The following ARHGAP10 variants were observed in gnomAD, a reference collection of about 807,000 sequenced individuals.
ARHGAP10 encodes rho GTPase-activating protein 10.
ARHGAP10 carries 87 observed loss-of-function variants against 108.6 expected under a neutral mutation model. The ratio of observed to expected loss-of-function variants is 0.80; its 90% CI spans 0.67 to 0.96. ARHGAP10 has a LOEUF of 0.96. Ranked by LOEUF, ARHGAP10 falls within the 40% of genes least tolerant of loss-of-function variation. ARHGAP10 has a pLI of 0.00. For synonymous variants in ARHGAP10, 347 were observed against 341.1 expected, an observed-to-expected ratio of 1.02 and a Z score of -0.19; for missense variants, 939 against 954.5, an observed-to-expected ratio of 0.98 and a Z score of 0.21.
At chr4:147,746,198 G>C (rs1339919424) in intron 1 of ARHGAP10, among the ~76,000 whole-genome samples, 2 of 151,794 alleles carry the variant, frequency 1.3e-5, no homozygotes, top group African/African-American at 2.4e-5. Context: ...CTGCCTCCGG[G>C]GTTAAAGCGA....
intron 13 of ARHGAP10, among the ~76,000 whole-genome samples, chr4:147,936,189 A>G (rs1224974291): frequency 6.6e-6 from 1 of 152,150 alleles, no homozygotes; most frequent in Admixed American, 6.5e-5. Context: ...TTCCAAAAAG[A>G]AGGAAGGATT....
chr4:147,946,541 A>G, intron 14 of ARHGAP10, 76 bp from the exon 15 acceptor site: 1 of 1,245,332 alleles, frequency 8.0e-7, no homozygotes, highest in Non-Finnish European at 1.1e-6. Context: ...TAAAAATGGA[A>G]GCTTTGTGAG....
chr4:148,057,310 A>G (rs1258263248), intron 20 of ARHGAP10, among the ~76,000 whole-genome samples: 1 of 152,134 alleles, frequency 6.6e-6, no homozygotes, highest in Non-Finnish European at 1.5e-5. Context: ...CCTTTAGGTT[A>G]TGATTGTGCC....
At chr4:147,944,843 C>A (rs992222834) in intron 14 of ARHGAP10, among the ~76,000 whole-genome samples, 1 of 152,054 alleles carries the variant, frequency 6.6e-6, no homozygotes, top group Non-Finnish European at 1.5e-5. Context: ...TCGTCGTAAC[C>A]CATTTCCTGC....
intron 1 of ARHGAP10, among the ~76,000 whole-genome samples, chr4:147,805,794 G>A (rs1437154921): frequency 6.6e-6 from 1 of 152,124 alleles, no homozygotes; most frequent in Non-Finnish European, 1.5e-5. Flanking sequence ...GGGCAACAGA[G>A]CAAGACCCTG....
At chr4:147,895,004 T>G (rs1010263658) in intron 10 of ARHGAP10, among the ~76,000 whole-genome samples, 4 of 152,190 alleles carry the variant, frequency 2.6e-5, no homozygotes. Flanking sequence ...TCCATATAAA[T>G]TTTAGAATTA....
chr4:147,866,611 A>G, intron 6 of ARHGAP10, 101 bp from the exon 7 acceptor site: 1 of 774,078 alleles, frequency 1.3e-6, no homozygotes, highest in Non-Finnish European at 2.2e-6. Context: ...ATTTCAGTGG[A>G]ATAACAGTGA....
At chr4:148,070,203 G>A (rs1730106118) in intron 22 of ARHGAP10, among the ~76,000 whole-genome samples, 1 of 152,188 alleles carries the variant, frequency 6.6e-6, no homozygotes, top group Non-Finnish European at 1.5e-5. Context: ...CACAGAACAT[G>A]TAGGGTGCAT....
chr4:147,911,995 G>GTATA (rs1553962332), intron 12 of ARHGAP10, among the ~76,000 whole-genome samples: 1,475 of 17,252 alleles, frequency 0.085, 23 homozygotes, highest in African/African-American at 0.098. Flanking sequence ...GAACATTCAC[G>GTATA]TGTGTGTGTG....
chr4:148,041,827 A>G (rs1728644845), intron 19 of ARHGAP10, among the ~76,000 whole-genome samples: 1 of 152,230 alleles, frequency 6.6e-6, no homozygotes, highest in South Asian at 2.1e-4. Flanking sequence ...TTGCAAAAGA[A>G]CACTGTGTTG....
At chr4:147,901,549 G>T (rs1040040631) in intron 10 of ARHGAP10, among the ~76,000 whole-genome samples, 9 of 152,156 alleles carry the variant, frequency 5.9e-5, no homozygotes, top group Non-Finnish European at 1.5e-5. Context: ...TTTGTTCTCT[G>T]CTGGCTTCCA....
At chr4:147,832,646 C>CAAGAAAAAA (rs1733000035) in intron 3 of ARHGAP10, among the ~76,000 whole-genome samples, 1 of 63,518 alleles carries the variant, frequency 1.6e-5, no homozygotes, top group Non-Finnish European at 2.8e-5. Context: ...GACTCTGTCT[C>CAAGAAAAAA]AAAAAAAAAA....
At chr4:148,027,625 C>G (rs971484610) in intron 19 of ARHGAP10, among the ~76,000 whole-genome samples, 2 of 152,134 alleles carry the variant, frequency 1.3e-5, no homozygotes, top group African/African-American at 2.4e-5. Flanking sequence ...TCTCTAAAAT[C>G]AGAGTAGGAC....
At chr4:147,837,689 TTGGA>T (rs1442089353) in intron 3 of ARHGAP10, among the ~76,000 whole-genome samples, 4 of 118,398 alleles carry the variant, frequency 3.4e-5, no homozygotes, top group African/African-American at 1.1e-4. Context: ...AATCCAAGTC[TTGGA>T]TGGGACCATC....
At chr4:147,968,069 G>C (rs1739270660) in intron 18 of ARHGAP10, among the ~76,000 whole-genome samples, 1 of 152,216 alleles carries the variant, frequency 6.6e-6, no homozygotes, top group South Asian at 2.1e-4. Flanking sequence ...TGGTGTTAGA[G>C]CTGGCCCATG....
intron 1 of ARHGAP10, among the ~76,000 whole-genome samples, chr4:147,743,079 G>C (rs1728756739): frequency 6.6e-6 from 1 of 150,600 alleles, no homozygotes; most frequent in Non-Finnish European, 1.5e-5. Flanking sequence ...TGTCACCCAG[G>C]CTGCAGTGCT....
intron 1 of ARHGAP10, among the ~76,000 whole-genome samples, chr4:147,797,922 T>A (rs969648973): frequency 5.4e-5 from 8 of 149,454 alleles, no homozygotes; most frequent in African/African-American, 2.0e-4. Context: ...TCCCATGCCA[T>A]CTCATCCCAT....
At chr4:147,914,653 T>C (rs1736890831) in intron 13 of ARHGAP10, among the ~76,000 whole-genome samples, 2 of 150,590 alleles carry the variant, frequency 1.3e-5, no homozygotes, top group African/African-American at 4.9e-5. Context: ...GTCTGTGTAA[T>C]GCTTTTGAGA....
At chr4:147,966,918 CTT>C in intron 18 of ARHGAP10, 79 bp downstream of exon 18, 1 of 1,234,848 alleles carries the variant, frequency 8.1e-7, no homozygotes, top group Non-Finnish European at 1.1e-6. Flanking sequence ...TTAGATTTCC[CTT>C]TTCTCTCTCT....
Sources: allele counts gnomAD v4.1 joint callset (sites outside exome capture counted in the v4.1 genomes callset), GRCh38; gene constraint gnomAD v4.1.1; transcripts MANE v1.5; gene names NCBI Gene and HGNC (gene_info 2026-07-23, HGNC 2026-07-21).